The following GEN1 variants were observed in gnomAD, a reference collection of about 807,000 sequenced individuals.
GEN1 encodes the protein GEN1 structure-specific endonuclease.
GEN1 carries 64 observed loss-of-function variants against 67.6 expected under a neutral mutation model. The observed-to-expected ratio is 0.95, with a 90% CI of 0.77 to 1.17. The LOEUF is 1.17. Among genes scored for constraint, GEN1 ranks in the 50% most tolerant of loss-of-function variants. GEN1 has a pLI of 0.00. For synonymous variants in GEN1, 371 were observed against 359.4 expected (o/e 1.03, Z -0.37); for missense variants, 1,058 against 1,048.3 (o/e 1.01, Z -0.13).
intron 3 of GEN1, among the ~76,000 whole-genome samples, chr2:17,762,020 A>G (rs1479882248): frequency 6.6e-6 from 1 of 152,126 alleles, no homozygotes; most frequent in Non-Finnish European, 1.5e-5. Flanking sequence ...TATACAGAAT[A>G]TATATTTGGC....
At chr2:17,765,271 C>T in intron 4 of GEN1, 198 bp downstream of exon 4, 1 of 513,400 alleles carries the variant, frequency 1.9e-6, no homozygotes. Flanking sequence ...CTCATAAGAA[C>T]TTGACTTGTT....
In GEN1 at chr2:17,780,947, G is replaced by A. The variant is rs762962608; in HGVS notation, c.1735G>A (p.Val579Met). 5.3e-5 allele frequency: 86 copies of A among 1,612,664 alleles called. No individual in the cohort carries two copies. In the Admixed American group the frequency reaches 1.1e-3, roughly 20 times the overall value. ...QPNTSSHNIS[V>M]IADLHLSTID... Reference sequence around the variant, plus strand: ...CAATACCTCATCTCATAATATATCCGTGATTGCTGATCTACACTTGAGCAC... The same window carrying A: ...CAATACCTCATCTCATAATATATCCATGATTGCTGATCTACACTTGAGCAC... Residue 579 changes from valine to methionine, a missense_variant, in exon 14 of 14, where the codon GTG becomes ATG. Transcript: ENST00000381254.
intron 12 of GEN1, 58 bp from the exon 13 acceptor site, chr2:17,779,920 G>A (rs76880511): frequency 2.6e-5 from 36 of 1,411,708 alleles, no homozygotes; most frequent in South Asian, 1.7e-4. Context: ...AAGCCTGACC[G>A]ATTGAATTTT....
chr2:17,776,115 C>CAA lies in GEN1; in HGVS notation c.1202+1734_1202+1735dup, dbSNP rs34705905. The stretch of plus-strand genomic sequence containing the variant: ...TTGGTGACAGAGTGAGACCCTGTCT[C>CAA]AAAAAAAAAAAAAAAAAAAAAGGAA... On this transcript the variant is annotated intron_variant, in intron 11 of 13. Coordinates refer to ENST00000381254, the MANE Select transcript of GEN1 (RefSeq NM_001130009.3). Among the ~76,000 whole-genome samples the CAA allele has an allele frequency of 9.1e-4, 73 of 80,604 alleles. 1 individual carries two copies. The highest frequency in any genetic ancestry group is 2.4e-3 in the African/African-American group (52 of 21,574). 52.9% of individuals were successfully genotyped at this position (80,604 alleles called of 152,430 possible).
At chr2:17,753,411 GC>G (rs1671193237), upstream of GEN1, among the ~76,000 whole-genome samples, 1 of 152,220 alleles carries the variant, frequency 6.6e-6, no homozygotes, top group Admixed American at 6.5e-5. Context: ...GGAGACCGGT[GC>G]CGCCTCGGAG....
Position 17,780,908 on chromosome 2 carries a change from G to A in GEN1, c.1696G>A (p.Glu566Lys). 1 of 1,613,904 alleles carries A rather than the reference G, an allele frequency of 6.2e-7. No homozygotes were observed. Among genetic ancestry groups the A allele is most frequent in the Non-Finnish European group, 8.5e-7 (1 of 1,179,936 alleles). The change falls in exon 14 of 14, where the codon GAA becomes AAA. Residue 566 changes from glutamate to lysine, a missense_variant. By Grantham distance (56) the Glu-to-Lys change is moderately conservative (BLOSUM62 1). Transcript: ENST00000381254. The part of the protein sequence containing the change: ...IKAVSKSLIS[E>K]SSQPNTSSHN... ...AGCTGTCAGTAAGTCTCTAATTTCA[G>A]AATCTAGTCAACCCAATACCTCATC...
intron 12 of GEN1, among the ~76,000 whole-genome samples, chr2:17,779,030 C>T (rs1053074139): frequency 3.9e-5 from 6 of 152,190 alleles, no homozygotes; most frequent in African/African-American, 1.4e-4. Context: ...TCAAGTGATT[C>T]TCCTGCCTCA....
chr2:17,754,828 C>T (rs1258298008), intron 1 of GEN1: 1 of 152,198 alleles, frequency 6.6e-6, no homozygotes, highest in Non-Finnish European at 1.5e-5. Context: ...AGTGTAAACC[C>T]CCTAAATAAA....
Position 17,788,136 on chromosome 2 carries a change from G to C in GEN1, c.*6197G>C, listed in dbSNP as rs1227860830. On this transcript the variant is annotated 3_prime_UTR_variant, in exon 14 of 14. Transcript: ENST00000381254. ...AGAGTCTAAATCAACTGCTGTTCCT[G>C]TTCTGCTGGTAGCACTTAGGGTAAA... is the stretch of plus-strand genomic sequence containing the variant. 1 of 152,198 alleles carries C rather than the reference G, an allele frequency of 6.6e-6. No homozygotes were observed. Among genetic ancestry groups the C allele is most frequent in the African/African-American group, 2.4e-5 (1 of 41,458 alleles). The allele number at this position is 152,198 out of a possible 1,614,324, so 9.4% of individuals were successfully genotyped here. A position where few individuals can be genotyped will look rare whatever the true frequency, so the allele number is the denominator to read the frequency against.
rs1558410230 is a variant in GEN1, at chr2:17,778,460, A to ATG, written c.1264+398_1264+399insGT. ...TACACACACATATATGTGTGTACAT[A>ATG]TATGTATATACACACACAGCATGTG... On this transcript the variant is annotated intron_variant, in intron 12 of 13. Coordinates refer to ENST00000381254, the MANE Select transcript of GEN1 (RefSeq NM_001130009.3). Among the ~76,000 whole-genome samples the ATG allele has an allele frequency of 3.8e-3, 111 of 29,500 alleles. 26 individuals carry two copies. The highest frequency in any genetic ancestry group is 4.1e-3 in the Non-Finnish European group (47 of 11,542). 19.4% of individuals were successfully genotyped at this position (29,500 alleles called of 152,430 possible).
chr2:17,761,047 A>G (rs1671653613), intron 2 of GEN1, among the ~76,000 whole-genome samples: 3 of 152,130 alleles, frequency 2.0e-5, no homozygotes, highest in African/African-American at 4.8e-5. Context: ...CCTGGGCAAC[A>G]TGGTGAAACC....
chr2:17,767,819 A>G (rs1406075598), intron 5 of GEN1, among the ~76,000 whole-genome samples: 1 of 152,266 alleles, frequency 6.6e-6, no homozygotes, highest in African/African-American at 2.4e-5. Flanking sequence ...GACTTTTAAG[A>G]CTATGTACTA....
At chr2:17,763,604 C>G (rs925800504) in intron 3 of GEN1, among the ~76,000 whole-genome samples, 1 of 152,196 alleles carries the variant, frequency 6.6e-6, no homozygotes, top group Non-Finnish European at 1.5e-5. Context: ...ACCTCCACCC[C>G]ACATGGTAGA....
chr2:17,771,384 G>A, intron 7 of GEN1, 97 bp downstream of exon 7: 2 of 775,992 alleles, frequency 2.6e-6, no homozygotes, highest in Non-Finnish European at 4.5e-6. Flanking sequence ...ATAATACTTT[G>A]AAGGGTTTTA....
intron 6 of GEN1, 50 bp downstream of exon 6, chr2:17,768,861 A>C: frequency 9.5e-6 from 11 of 1,161,142 alleles, no homozygotes; most frequent in Non-Finnish European, 1.4e-5. Context: ...ATTCTTGCTG[A>C]ACTTAATAAC....
At chr2:17,769,932 A>G in intron 6 of GEN1, among the ~76,000 whole-genome samples, 1 of 152,186 alleles carries the variant, frequency 6.6e-6, no homozygotes, top group South Asian at 2.1e-4. Flanking sequence ...AAGAGGTAAA[A>G]ATGAAAAAGG....
intron 11 of GEN1, among the ~76,000 whole-genome samples, chr2:17,775,338 A>C (rs1672378199): frequency 1.3e-5 from 2 of 152,238 alleles, no homozygotes; most frequent in Admixed American, 1.3e-4. Context: ...AAGACAAATC[A>C]AGTCACACAG....
chr2:17,773,225 C>A lies in GEN1; in HGVS notation c.997C>A (p.Gln333Lys). The A allele has an allele frequency of 6.3e-7, 1 of 1,597,650 alleles. No homozygotes were observed. Among genetic ancestry groups the A allele is most frequent in the South Asian group, 1.1e-5 (1 of 89,764 alleles). The part of the protein sequence containing the change: ...CEGFPFHEVI[Q>K]EFLLNKDKLV... ...TTTTCTTTTTTCTTGCTAGGTTATT[C>A]AAGAATTCCTTTTAAACAAGGATAA... Residue 333 changes from glutamine to lysine, a missense_variant, in exon 10 of 14, where the codon CAA (glutamine) becomes AAA (lysine). By Grantham distance (53) the Gln-to-Lys change is moderately conservative (BLOSUM62 1). Transcript: ENST00000381254.
At chr2:17,764,767 T>G (rs558881442) in intron 3 of GEN1, 130 bp from the exon 4 acceptor site, 1 of 807,664 alleles carries the variant, frequency 1.2e-6, no homozygotes, top group African/African-American at 1.8e-5. Context: ...CAAGTGTTTC[T>G]TAAATATCGT....
Sources: allele counts gnomAD v4.1 joint callset (sites outside exome capture counted in the v4.1 genomes callset), GRCh38; gene constraint gnomAD v4.1.1; transcripts MANE v1.5; gene names NCBI Gene and HGNC (gene_info 2026-07-23, HGNC 2026-07-21).